The following SLC45A4 variants were observed in gnomAD, a reference collection of about 807,000 sequenced individuals.
The protein encoded by SLC45A4 is polyamine-transporter SLC45A4.
A neutral mutation model predicts 63.7 loss-of-function variants in SLC45A4; 32 were observed. The observed-to-expected ratio is 0.50, with a 90% CI of 0.38 to 0.67. The LOEUF is 0.67. Ranked by LOEUF, SLC45A4 falls within the 30% of genes least tolerant of loss-of-function variation. The probability of loss-of-function intolerance (pLI) is 0.00; values close to 1 mark genes in which losing one functional copy is unlikely to be tolerated. For missense variants in SLC45A4, 1,027 were observed against 1,157.7 expected (o/e 0.89, Z 1.64); for synonymous variants, 535 against 510.0 (o/e 1.05, Z -0.66).
At chr8:141,246,718 T>C (rs537180810) in intron 2 of SLC45A4, among the ~76,000 whole-genome samples, 13 of 152,208 alleles carry the variant, frequency 8.5e-5, no homozygotes, top group Non-Finnish European at 1.9e-4. Context: ...CTGACCCCTC[T>C]GTGTAACAGC....
chr8:141,290,074 C>T (rs1445158180), intron 1 of SLC45A4, among the ~76,000 whole-genome samples: 1 of 152,082 alleles, frequency 6.6e-6, no homozygotes, highest in Admixed American at 6.5e-5. Flanking sequence ...TTATGCTAGA[C>T]AGTACTATCA....
At chr8:141,258,082 T>TTTTTTTTTTTTTTA (rs1554597049) in intron 1 of SLC45A4, among the ~76,000 whole-genome samples, 1 of 114,466 alleles carries the variant, frequency 8.7e-6, no homozygotes, top group Non-Finnish European at 1.8e-5. Flanking sequence ...TTTTTTTTTT[T>TTTTTTTTTTTTTTA]AACAATCCTT....
chr8:141,235,430 C>T (rs183494363), intron 2 of SLC45A4, among the ~76,000 whole-genome samples: 215 of 152,272 alleles, frequency 1.4e-3, no homozygotes, highest in African/African-American at 5.0e-3. Flanking sequence ...GCAAGGGTCA[C>T]GGTGACGAGG....
At chr8:141,286,187 G>C (rs563472598) in intron 1 of SLC45A4, among the ~76,000 whole-genome samples, 1 of 152,336 alleles carries the variant, frequency 6.6e-6, no homozygotes, top group East Asian at 1.9e-4. Flanking sequence ...GGGTGCCCAA[G>C]GCACTGGGTG....
intron 1 of SLC45A4, among the ~76,000 whole-genome samples, chr8:141,285,054 T>TG (rs2154615166): frequency 6.6e-6 from 1 of 152,306 alleles, no homozygotes; most frequent in Non-Finnish European, 1.5e-5. Context: ...GAGCTGGCAG[T>TG]GGGGCTCGGG....
At chr8:141,306,629 C>T (rs1005876369) in intron 1 of SLC45A4, among the ~76,000 whole-genome samples, 4 of 152,244 alleles carry the variant, frequency 2.6e-5, no homozygotes, top group Admixed American at 2.6e-4. Flanking sequence ...TACACCAATA[C>T]TCCAGCTTTT....
chr8:141,304,978 G>A (rs1449490034), intron 1 of SLC45A4, among the ~76,000 whole-genome samples: 1 of 152,170 alleles, frequency 6.6e-6, no homozygotes, highest in Admixed American at 6.5e-5. Context: ...AATGGCAAGG[G>A]GTTGAAAATG....
At chr8:141,274,293 G>C (rs1034984478) in intron 1 of SLC45A4, among the ~76,000 whole-genome samples, 2 of 152,220 alleles carry the variant, frequency 1.3e-5, no homozygotes, top group African/African-American at 2.4e-5. Context: ...CAGCACTTTG[G>C]GAGGCTGAGG....
intron 1 of SLC45A4, among the ~76,000 whole-genome samples, chr8:141,294,982 G>C (rs1830491708): frequency 6.6e-6 from 1 of 152,356 alleles, no homozygotes; most frequent in South Asian, 2.1e-4. Flanking sequence ...CCGGCAGAGT[G>C]GGGGCAGCAG....
At position 141,254,507 on chromosome 8, in the gene SLC45A4, G is replaced by A. The variant is rs932921723; in HGVS notation, c.-278C>T. 8 of 697,312 alleles carry A rather than the reference G, an allele frequency of 1.1e-5. No individual in the cohort carries two copies. The highest frequency in any genetic ancestry group is 2.1e-5 in the Non-Finnish European group (8 of 381,430). The allele number at this position is 697,312 out of a possible 1,614,324, so 43.2% of individuals were successfully genotyped here. On this transcript the variant is annotated 5_prime_UTR_variant, in exon 2 of 9. Transcript: ENST00000517878. This position sits in a 1 kb window ranked among gnomAD's most constrained non-coding sequence, Gnocchi z 4.5. ...GTTAAAAATCCATAATTGCCATTCA[G>A]TTAATACCAGTTTCATCATTATTAC...
At chr8:141,285,307 G>A (rs76243095) in intron 1 of SLC45A4, among the ~76,000 whole-genome samples, 2 of 152,372 alleles carry the variant, frequency 1.3e-5, no homozygotes, top group African/African-American at 4.8e-5. Flanking sequence ...TCACTGCCGT[G>A]GCTGAGATTC....
intron 1 of SLC45A4, among the ~76,000 whole-genome samples, chr8:141,283,587 G>C (rs927118660): frequency 6.6e-6 from 1 of 152,238 alleles, no homozygotes. Flanking sequence ...GGGGCAGCAA[G>C]GGACAAAGGG....
intron 1 of SLC45A4, among the ~76,000 whole-genome samples, chr8:141,298,453 T>C (rs1366552107): frequency 6.6e-6 from 1 of 152,198 alleles, no homozygotes. Context: ...ATCTCCAGAA[T>C]GGAACATACC....
chr8:141,222,701 G>A (rs940661745), intron 2 of SLC45A4, among the ~76,000 whole-genome samples: 63 of 152,236 alleles, frequency 4.1e-4, no homozygotes, highest in African/African-American at 1.4e-3. Context: ...GTGAGCACGA[G>A]CCCACTCACA....
At chr8:141,304,579 G>A (rs1451050701) in intron 1 of SLC45A4, among the ~76,000 whole-genome samples, 1 of 148,454 alleles carries the variant, frequency 6.7e-6, no homozygotes, top group Non-Finnish European at 1.5e-5. Context: ...AAAAAGGGGG[G>A]GAGAGAGAGA....
chr8:141,252,963 G>A lies in SLC45A4; in HGVS notation c.241+1026C>T, dbSNP rs1479935767. On this transcript the variant is annotated intron_variant, in intron 2 of 8. Coordinates refer to ENST00000517878, the MANE Select transcript of SLC45A4 (RefSeq NM_001286646.2). ...AATTTCCGTGTTTTCACGCCCACCTGTGCGTGTCCGCGAATTTCCGTGTTT... is the reference window on the plus strand; with the variant it reads ...AATTTCCGTGTTTTCACGCCCACCTATGCGTGTCCGCGAATTTCCGTGTTT... 6.1e-5 allele frequency among the ~76,000 whole-genome samples: 4 copies of A among 65,098 alleles called. No homozygotes were observed. In the Admixed American group the frequency reaches 6.5e-4, roughly 11 times the overall value. The allele number at this position is 65,098 out of a possible 152,430, so 42.7% of individuals were successfully genotyped here.
intron 2 of SLC45A4, among the ~76,000 whole-genome samples, chr8:141,230,906 G>A (rs1302146586): frequency 2.6e-5 from 4 of 152,190 alleles, no homozygotes; most frequent in African/African-American, 4.8e-5. Context: ...TGCCCCACCC[G>A]GGGATCCAGG....
At chr8:141,292,329 G>T (rs527764515) in intron 1 of SLC45A4, among the ~76,000 whole-genome samples, 1 of 152,244 alleles carries the variant, frequency 6.6e-6, no homozygotes, top group Non-Finnish European at 1.5e-5. Flanking sequence ...AGGTTCCTCA[G>T]CTATGTGGGC....
Position 141,218,354 on chromosome 8 carries a change from T to G in SLC45A4, c.1286A>C (p.Tyr429Ser), listed in dbSNP as rs1267402755. Residue 429 changes from tyrosine to serine, a missense_variant, in exon 5 of 9, where the codon TAC (tyrosine) becomes TCC (serine). By Grantham distance (144) the Tyr-to-Ser change is moderately radical. Coordinates refer to ENST00000517878, the MANE Select transcript of SLC45A4 (RefSeq NM_001286646.2). ...GCAGTGGGACCCAAGCTTGCCGTAG[T>G]AGGAGAAGGTGCTGGAGGCCTGCCT... ...FRRQASSTFS[Y>S]YGKLGSHCYR... The G allele has an allele frequency of 6.2e-7, 1 of 1,608,076 alleles. No individual in the cohort carries two copies. The highest frequency in any genetic ancestry group is 1.3e-5 in the African/African-American group (1 of 74,886).
Sources: gnomAD v4.1 joint callset for allele counts (sites outside exome capture counted in the v4.1 genomes callset) on GRCh38, gnomAD v4.1.1 for gene constraint, Gnocchi (gnomAD v3.1) non-coding constraint, MANE v1.5 for transcripts, NCBI Gene and HGNC (gene_info 2026-07-23, HGNC 2026-07-21) for gene names.